Variants in GRIP1 observed in about 807,000 individuals in gnomAD.
GRIP1 encodes the protein glutamate receptor interacting protein 1.
Under a neutral mutation model 129.9 loss-of-function variants are expected in GRIP1, and 45 were observed. The observed-to-expected ratio is 0.35, with a 90% CI of 0.27 to 0.44. GRIP1 has a LOEUF of 0.44. Among genes scored for constraint, GRIP1 ranks in the 20% least tolerant of loss-of-function variants. The pLI is 1.00. For synonymous variants in GRIP1, 530 were observed against 520.8 expected (o/e 1.02, Z -0.24); for missense variants, 1,196 against 1,396.8 (o/e 0.86, Z 2.29).
At chr12:67,024,458 G>A (rs2042912097) in intron 1 of GRIP1, among the ~76,000 whole-genome samples, 1 of 152,088 alleles carries the variant, frequency 6.6e-6, no homozygotes, top group Non-Finnish European at 1.5e-5. Flanking sequence ...AGAAAGAGGG[G>A]GAAACCCGGG....
chr12:66,834,004 C>A (rs1011073848), intron 1 of GRIP1, among the ~76,000 whole-genome samples: 1 of 151,816 alleles, frequency 6.6e-6, no homozygotes, highest in East Asian at 1.9e-4. Context: ...CATGAAACCC[C>A]GTCTCTACTA....
intron 1 of GRIP1, among the ~76,000 whole-genome samples, chr12:66,744,911 T>C (rs1192031520): frequency 6.6e-6 from 1 of 152,210 alleles, no homozygotes; most frequent in Non-Finnish European, 1.5e-5. Flanking sequence ...CTATGTTATA[T>C]ATCACAGCAA....
chr12:66,736,642 G>A (rs1223764616), intron 1 of GRIP1, among the ~76,000 whole-genome samples: 1 of 151,768 alleles, frequency 6.6e-6, no homozygotes, highest in Admixed American at 6.6e-5. Flanking sequence ...GGGTGGCAGA[G>A]GTGGAAGAAA....
At chr12:66,421,870 T>A (rs984343631) in intron 14 of GRIP1, among the ~76,000 whole-genome samples, 3 of 152,054 alleles carry the variant, frequency 2.0e-5, no homozygotes, top group African/African-American at 7.2e-5. Context: ...CTACTTAGAA[T>A]TAACCCTAGA....
At chr12:66,618,884 C>T (rs937633084) in intron 1 of GRIP1, among the ~76,000 whole-genome samples, 7 of 151,992 alleles carry the variant, frequency 4.6e-5, no homozygotes, top group South Asian at 2.1e-4. Context: ...GTAGCTATCA[C>T]GTCATCTTGG....
At chr12:66,364,386 A>C (rs2055011562) in intron 23 of GRIP1, among the ~76,000 whole-genome samples, 1 of 152,106 alleles carries the variant, frequency 6.6e-6, no homozygotes, top group Non-Finnish European at 1.5e-5. Context: ...AAGCCAAAGG[A>C]AACAGTGAAG....
At chr12:66,396,916 G>C (rs879846091) in intron 16 of GRIP1, among the ~76,000 whole-genome samples, 1 of 151,342 alleles carries the variant, frequency 6.6e-6, no homozygotes, top group African/African-American at 2.4e-5. Context: ...TTCAAGACCA[G>C]CCTGGCCAAC....
chr12:66,788,185 G>C (rs183117200), intron 1 of GRIP1, among the ~76,000 whole-genome samples: 17 of 151,458 alleles, frequency 1.1e-4, no homozygotes, highest in African/African-American at 4.1e-4. Context: ...ACCTACTATC[G>C]GGACAACACT....
chr12:66,665,592 G>T (rs1181140536), intron 1 of GRIP1, among the ~76,000 whole-genome samples: 1 of 152,134 alleles, frequency 6.6e-6, no homozygotes, highest in Non-Finnish European at 1.5e-5. Context: ...CATTATGTTT[G>T]TGAGAATCAT....
At chr12:66,394,391 G>A in intron 16 of GRIP1, 39 bp from the exon 17 acceptor site, 1 of 1,591,460 alleles carries the variant, frequency 6.3e-7, no homozygotes, top group Non-Finnish European at 8.6e-7. Context: ...GATTTCTTTG[G>A]AAAAAGCAAA....
chr12:66,514,187 AG>A (rs2060780116), intron 7 of GRIP1, among the ~76,000 whole-genome samples: 1 of 152,174 alleles, frequency 6.6e-6, no homozygotes, highest in Non-Finnish European at 1.5e-5. Flanking sequence ...TCATAAGAGC[AG>A]GGACCAGGTC....
upstream of GRIP1, chr12:66,679,165 C>A: frequency 2.2e-6 from 3 of 1,384,192 alleles, no homozygotes; most frequent in Non-Finnish European, 2.8e-6. Context: ...GAAAGTAATG[C>A]CGTTTCGATA....
rs574441974 is a variant in GRIP1, at chr12:66,693,399, C to G, written c.-419-63063G>C. On this transcript the variant is annotated intron_variant, in intron 1 of 4. Coordinates refer to the GRIP1 transcript ENST00000538373. ...TCCCGCATGCAACTCTCAGTTGGGGCTGGACAATGGTGGCCTCTTTGGATA... is the reference window on the plus strand; with the variant it reads ...TCCCGCATGCAACTCTCAGTTGGGGGTGGACAATGGTGGCCTCTTTGGATA... Among the ~76,000 whole-genome samples the G allele has an allele frequency of 2.0e-5, 3 of 152,296 alleles. No homozygotes were observed. The South Asian group carries it at 6.2e-4, about 32-fold the overall frequency.
rs866482259 is a variant in GRIP1 at position 66,979,249 on chromosome 12, A to C, written c.58+89801T>G. The stretch of plus-strand genomic sequence containing the variant: ...AAAAAAAAAAAAAAAAAAAAAAAAA[A>C]AAAAACAAGCCCGTCATCCTGCAAG... On this transcript the variant is annotated intron_variant, in intron 1 of 1. Transcript: ENST00000643019. 3.6e-4 allele frequency among the ~76,000 whole-genome samples: 49 copies of C among 136,956 alleles called. 1 individual carries two copies. Among genetic ancestry groups the C allele is most frequent in the African/African-American group, 9.9e-4 (37 of 37,286 alleles). 89.8% of individuals were successfully genotyped at this position (136,956 alleles called of 152,430 possible).
At chr12:66,461,472 T>C (rs540932773) in intron 9 of GRIP1, among the ~76,000 whole-genome samples, 55 of 152,340 alleles carry the variant, frequency 3.6e-4, no homozygotes, top group Non-Finnish European at 5.3e-4. Context: ...CGGGGCCTCC[T>C]GATAGGAATG....
At chr12:67,014,476 C>T (rs186624902) in intron 1 of GRIP1, among the ~76,000 whole-genome samples, 20 of 152,216 alleles carry the variant, frequency 1.3e-4, no homozygotes, top group African/African-American at 4.6e-4. Context: ...AAAAATTCAG[C>T]AGCAGTCTGG....
chr12:66,954,211 T>C (rs550806260), intron 1 of GRIP1, among the ~76,000 whole-genome samples: 15 of 152,326 alleles, frequency 9.8e-5, no homozygotes, highest in Middle Eastern at 3.4e-3. Context: ...CTTTTCCTCA[T>C]GACATCGCTA....
chr12:66,865,615 CCATCCATCCAACCAT>C (rs2040191570), intron 1 of GRIP1, among the ~76,000 whole-genome samples: 1 of 151,840 alleles, frequency 6.6e-6, no homozygotes, highest in Non-Finnish European at 1.5e-5. Context: ...ATCCAACCAT[CCATCCATCCAACCAT>C]CCATCCACCC....
chr12:66,369,215 T>C (rs1259770743), intron 23 of GRIP1, among the ~76,000 whole-genome samples: 1 of 152,188 alleles, frequency 6.6e-6, no homozygotes, highest in African/African-American at 2.4e-5. Flanking sequence ...ATTTGGCTCA[T>C]GCGTGTCTGT....
Sources: gnomAD v4.1 joint callset for allele counts (sites outside exome capture counted in the v4.1 genomes callset) on GRCh38, gnomAD v4.1.1 for gene constraint, MANE v1.5 for transcripts, NCBI Gene and HGNC (gene_info 2026-07-23, HGNC 2026-07-21) for gene names.